The following SH3BGRL variants were observed in gnomAD, a reference collection of about 807,000 sequenced individuals.
SH3BGRL encodes the protein adapter SH3BGRL.
A neutral mutation model predicts 9.8 loss-of-function variants in SH3BGRL; 7 were observed. That is an observed-to-expected ratio of 0.72 (90% CI 0.41 to 1.35). SH3BGRL has a LOEUF of 1.35. Ranked by LOEUF, SH3BGRL falls within the 40% of genes most tolerant of loss-of-function variation. The probability of loss-of-function intolerance (pLI) is 0.01; values close to 1 mark genes in which losing one functional copy is unlikely to be tolerated. For synonymous variants in SH3BGRL, 36 were observed against 29.1 expected (o/e 1.24, Z -0.76); for missense variants, 73 against 84.4 (o/e 0.86, Z 0.53).
intron 1 of SH3BGRL, among the ~76,000 whole-genome samples, chrX:81,229,797 G>C (rs2075627557): frequency 8.9e-6 from 1 of 111,776 alleles, no homozygotes; most frequent in Non-Finnish European, 1.9e-5. Context: ...ATGGGCACAG[G>C]ATGGGGGCAT....
chrX:81,202,466 G>T (rs942212058), intron 1 of SH3BGRL: 23 of 994,022 alleles, frequency 2.3e-5, no homozygotes, highest in Non-Finnish European at 2.9e-5. Flanking sequence ...CGTGACGTTG[G>T]GGGGCACATT....
At chrX:81,267,502 A>T (rs2075761544) in intron 1 of SH3BGRL, among the ~76,000 whole-genome samples, 1 of 111,571 alleles carries the variant, frequency 9.0e-6, no homozygotes. Flanking sequence ...TATGTGATGG[A>T]TTACGTTTAT....
chrX:81,292,530 C>T (rs756392347), intron 3 of SH3BGRL, among the ~76,000 whole-genome samples: 8 of 112,206 alleles, frequency 7.1e-5, no homozygotes, highest in Admixed American at 6.6e-4. Context: ...CTCTGAAATG[C>T]CCTGGAGGCA....
At chrX:81,244,425 G>A (rs1253270643) in intron 1 of SH3BGRL, among the ~76,000 whole-genome samples, 1 of 111,363 alleles carries the variant, frequency 9.0e-6, no homozygotes, top group African/African-American at 3.3e-5. Context: ...TGAACTTTAG[G>A]TTATTATGCC....
intron 1 of SH3BGRL, among the ~76,000 whole-genome samples, chrX:81,261,901 C>T (rs1007199701): frequency 1.8e-5 from 2 of 110,965 alleles, no homozygotes; most frequent in Non-Finnish European, 3.8e-5. Context: ...AAGTAAACAC[C>T]ACTAATAAAT....
Position 81,241,877 on chromosome X carries a change from G to T in SH3BGRL, c.46-35107G>T, listed in dbSNP as rs774866645. On this transcript the variant is annotated intron_variant, in intron 1 of 3. Transcript: ENST00000373212. ...CCAGCCACAGCCTTGCATGGAGCTG[G>T]TACCTGTGCCAGTGCCTGGAGCTGC... Among the ~76,000 whole-genome samples the T allele has an allele frequency of 7.1e-5, 8 of 112,462 alleles. No homozygotes were observed. In the East Asian group the frequency reaches 2.3e-3, roughly 32 times the overall value.
At chrX:81,256,980 T>C (rs151193590) in intron 1 of SH3BGRL, among the ~76,000 whole-genome samples, 2,545 of 111,337 alleles carry the variant, frequency 0.023, 69 homozygotes, top group African/African-American at 0.079. Flanking sequence ...TATATATCTC[T>C]AGTTTCTTAT....
chrX:81,211,604 G>A (rs1350831505), intron 1 of SH3BGRL, among the ~76,000 whole-genome samples: 2 of 110,843 alleles, frequency 1.8e-5, no homozygotes, highest in Admixed American at 1.9e-4. Context: ...AAAAAAGTCA[G>A]TGAGTTGGGG....
intron 1 of SH3BGRL, among the ~76,000 whole-genome samples, chrX:81,216,816 G>T (rs2075582603): frequency 9.0e-6 from 1 of 111,146 alleles, no homozygotes; most frequent in Non-Finnish European, 1.9e-5. Flanking sequence ...GTGTATATGT[G>T]CCACCTTTTC....
intron 3 of SH3BGRL, among the ~76,000 whole-genome samples, chrX:81,281,154 C>A (rs1400743100): frequency 9.0e-6 from 1 of 110,535 alleles, no homozygotes; most frequent in African/African-American, 3.3e-5. Context: ...ACGAACAAAG[C>A]CTCCAAGAAG....
chrX:81,253,562 A>C (rs1356030515), intron 1 of SH3BGRL, among the ~76,000 whole-genome samples: 1 of 111,238 alleles, frequency 9.0e-6, no homozygotes, highest in Non-Finnish European at 1.9e-5. Flanking sequence ...TTTTTAATTG[A>C]ATTGTTATAC....
At chrX:81,232,024 CCA>C (rs1190351890) in intron 1 of SH3BGRL, among the ~76,000 whole-genome samples, 1 of 105,869 alleles carries the variant, frequency 9.4e-6, no homozygotes, top group East Asian at 3.0e-4. Flanking sequence ...ACACAGACAC[CCA>C]CACACACACA....
At chrX:81,261,253 G>T (rs2075740521) in intron 1 of SH3BGRL, among the ~76,000 whole-genome samples, 1 of 111,197 alleles carries the variant, frequency 9.0e-6, no homozygotes, top group Non-Finnish European at 1.9e-5. Context: ...TTGAATCTCA[G>T]TATTCTAGTC....
At position 81,212,423 on chromosome X, in the gene SH3BGRL, ACTTTGAATTCATG is replaced by A. The variant is rs771276168; in HGVS notation, c.45+10191_45+10203del. Among the ~76,000 whole-genome samples, 5 of 111,126 alleles carry A rather than the reference ACTTTGAATTCATG, an allele frequency of 4.5e-5. No homozygotes were observed. The East Asian group carries it at 1.1e-3, about 25-fold the overall frequency. ...CAAAGTAAGGACAATTTTATACTCG[ACTTTGAATTCATG>A]CTTTGAATTCATTCTTTTTTTTTGA... On this transcript the variant is annotated intron_variant, in intron 1 of 3. Transcript: ENST00000373212.
rs772013435 is a variant in SH3BGRL, at chrX:81,243,992, G to A, written c.46-32992G>A. On this transcript the variant is annotated intron_variant, in intron 1 of 3. Coordinates refer to ENST00000373212, the MANE Select transcript of SH3BGRL (RefSeq NM_003022.3). ...TCCCTCACCTATTGAAATGATAACAGTAATAATGACAACTGACATTAATTG... is the reference window on the plus strand; with the variant it reads ...TCCCTCACCTATTGAAATGATAACAATAATAATGACAACTGACATTAATTG... Among the ~76,000 whole-genome samples the A allele has an allele frequency of 1.2e-4, 13 of 111,790 alleles. No homozygotes were observed. In the East Asian group the frequency reaches 3.4e-3, roughly 29 times the overall value.
At chrX:81,273,483 C>T (rs2075787748) in intron 1 of SH3BGRL, among the ~76,000 whole-genome samples, 1 of 112,044 alleles carries the variant, frequency 8.9e-6, no homozygotes, top group African/African-American at 3.2e-5. Context: ...CATTGAGAGT[C>T]ACTTAAGAGA....
chrX:81,215,401 A>G (rs977734161), intron 1 of SH3BGRL, among the ~76,000 whole-genome samples: 3 of 110,822 alleles, frequency 2.7e-5, no homozygotes, highest in Non-Finnish European at 5.7e-5. Flanking sequence ...TTCACCCTCA[A>G]ATTCACTCAT....
intron 1 of SH3BGRL, among the ~76,000 whole-genome samples, chrX:81,265,106 T>A: frequency 9.2e-6 from 1 of 108,827 alleles, no homozygotes; most frequent in Non-Finnish European, 1.9e-5. Flanking sequence ...TAGACTCTAT[T>A]TTTGAAATTA....
At chrX:81,289,933 T>C (rs769903359) in intron 3 of SH3BGRL, among the ~76,000 whole-genome samples, 5 of 112,076 alleles carry the variant, frequency 4.5e-5, no homozygotes, top group Non-Finnish European at 7.5e-5. Context: ...GAATAATCCT[T>C]TGTCAAAAGA....
Sources: allele counts gnomAD v4.1 joint callset (sites outside exome capture counted in the v4.1 genomes callset), GRCh38; gene constraint gnomAD v4.1.1; transcripts MANE v1.5; gene names NCBI Gene and HGNC (gene_info 2026-07-23, HGNC 2026-07-21).